The following SACS variants were observed in gnomAD, a reference collection of about 807,000 sequenced individuals.
The protein encoded by SACS is sacsin molecular chaperone, also known as sacsin.
In SACS, 197 loss-of-function variants were observed where a neutral mutation model predicts 348.0. The ratio of observed to expected loss-of-function variants is 0.57; its 90% CI spans 0.50 to 0.64. SACS has a LOEUF of 0.64. Among genes scored for constraint, SACS ranks in the 30% least tolerant of loss-of-function variants. The probability of loss-of-function intolerance (pLI) is 0.00; values close to 1 mark genes in which losing one functional copy is unlikely to be tolerated. For synonymous variants in SACS, 1,985 were observed against 1,910.6 expected (o/e 1.04, Z -1.02); for missense variants, 4,999 against 5,360.8 (o/e 0.93, Z 2.11).
At chr13:23,390,698 C>T (rs779557935) in intron 2 of SACS, among the ~76,000 whole-genome samples, 1 of 152,106 alleles carries the variant, frequency 6.6e-6, no homozygotes, top group Non-Finnish European at 1.5e-5. Context: ...TAAATAAAAT[C>T]CTAATGTGTT....
At position 23,331,591 on chromosome 13, in the gene SACS, G is replaced by A. The variant is rs1315062956; in HGVS notation, c.12285C>T (p.Asp4095=). Residue 4095 remains aspartate, a synonymous_variant, in exon 10 of 10, where the codon GAC becomes GAT. Transcript: ENST00000382292. ...TTGCCAATGCTAACAGGAAATTAAT[G>A]TCTTTACTGTCTGAATGTTGAATGT... ...LLYIQHSDSK[D]INFLLALAMT... 1.9e-6 allele frequency: 3 copies of A among 1,613,782 alleles called. No homozygotes were observed. The highest frequency in any genetic ancestry group is 1.1e-5 in the South Asian group (1 of 91,078).
chr13:23,340,549 T>A lies in SACS; in HGVS notation c.3327A>T (p.Lys1109Asn), dbSNP rs992762727. The change falls in exon 10 of 10, where the codon AAA becomes AAT. Residue 1109 changes from lysine to asparagine, a missense_variant. Lys to Asn is a moderately conservative substitution (Grantham distance 94, BLOSUM62 0). Transcript: ENST00000382292. ...KEKDVVQVAK[K>N]IEALQVGACP... ...AAGCACCGACCTGTAAGGCTTCAAT[T>A]TTTTTTGCCACTTGCACAACATCCT... The A allele has an allele frequency of 1.2e-6, 2 of 1,613,040 alleles. No individual in the cohort carries two copies. Among genetic ancestry groups the A allele is most frequent in the Admixed American group, 1.7e-5 (1 of 59,790 alleles).
chr13:23,417,018 A>T (rs147144159), intron 1 of SACS, among the ~76,000 whole-genome samples: 307 of 152,288 alleles, frequency 2.0e-3, no homozygotes, highest in African/African-American at 7.0e-3. Flanking sequence ...TTTCAAGATT[A>T]CTGATATAAG....
chr13:23,332,349 C>G lies in SACS; in HGVS notation c.11527G>C (p.Gly3843Arg). ...GTFHQLFKHL[G>R]TEDIISTKQY... Reference sequence around the variant, plus strand: ...TTAGTTGAAATAATATCTTCAGTACCTAAGTGTTTGAACAACTGGTGAAAT... The same window carrying G: ...TTAGTTGAAATAATATCTTCAGTACGTAAGTGTTTGAACAACTGGTGAAAT... Residue 3843 changes from glycine (G) to arginine (R), a missense_variant, in exon 10 of 10, where the codon GGT becomes CGT. By Grantham distance (125) the Gly-to-Arg change is moderately radical. Around this residue, in one of 6 missense-constraint regions of SACS, gnomAD observed 831 missense variants for 941.8 expected, o/e 0.88. Coordinates refer to ENST00000382292, the MANE Select transcript of SACS (RefSeq NM_014363.6). The G allele has an allele frequency of 6.2e-7, 1 of 1,613,946 alleles. No homozygotes were observed. The highest frequency in any genetic ancestry group is 1.6e-4 in the Middle Eastern group (1 of 6,062).
chr13:23,329,700 A>C lies in SACS; in HGVS notation c.*436T>G, dbSNP rs1024760825. The C allele has an allele frequency of 1.9e-6, 1 of 514,024 alleles. No homozygotes were observed. The highest frequency in any genetic ancestry group is 3.4e-6 in the Non-Finnish European group (1 of 295,562). The allele number at this position is 514,024 out of a possible 1,614,324, so 31.8% of individuals were successfully genotyped here. A position where few individuals can be genotyped will look rare whatever the true frequency, so the allele number is the denominator to read the frequency against. ...CGCATCCAAGAGGATCCACTTAAAA[A>C]AATGACAGACTACAAAGACTTAATT... On this transcript the variant is annotated 3_prime_UTR_variant, in exon 10 of 10. Coordinates refer to ENST00000382292, the MANE Select transcript of SACS (RefSeq NM_014363.6).
At chr13:23,385,953 C>A (rs1274098039) in intron 2 of SACS, among the ~76,000 whole-genome samples, 1 of 152,164 alleles carries the variant, frequency 6.6e-6, no homozygotes, top group East Asian at 1.9e-4. Context: ...AGGAATCTTT[C>A]TTTCTGAACA....
rs1227089290 is a variant in SACS, at chr13:23,391,584, GT to G, written c.21-16316del. Among the ~76,000 whole-genome samples, 91 of 152,206 alleles carry G rather than the reference GT, an allele frequency of 6.0e-4. 1 individual carries two copies. Among genetic ancestry groups the G allele is most frequent in the Admixed American group, 7.8e-4 (12 of 15,298 alleles). Reference sequence around the variant, plus strand: ...ACATCGGGACTCTGCGCCCTTCAAGGTTCAAGTAATTGCTCCTCCCCTAGTC... The same window carrying G: ...ACATCGGGACTCTGCGCCCTTCAAGGTCAAGTAATTGCTCCTCCCCTAGTC... On this transcript the variant is annotated intron_variant, in intron 2 of 9. Transcript: ENST00000382292.
chr13:23,369,130 T>A (rs1186638169), intron 4 of SACS, among the ~76,000 whole-genome samples: 1 of 152,216 alleles, frequency 6.6e-6, no homozygotes. Flanking sequence ...ATAAAATAAA[T>A]GATGTTATTT....
intron 3 of SACS, among the ~76,000 whole-genome samples, chr13:23,374,273 G>A (rs1871601549): frequency 1.3e-5 from 2 of 152,192 alleles, no homozygotes; most frequent in Non-Finnish European, 2.9e-5. Context: ...CAAGTACACA[G>A]AAGGTCAGGA....
chr13:23,331,806 C>T lies in SACS; in HGVS notation c.12070G>A (p.Asp4024Asn), dbSNP rs1883495789. 6.2e-7 allele frequency: 1 copy of T among 1,613,808 alleles called. No homozygotes were observed. The highest frequency in any genetic ancestry group is 1.3e-5 in the African/African-American group (1 of 74,910). ...TCTTCATTGGCCAGAAAAGCATTAT[C>T]ATTTTCATGCTTCATAATTCTAATC... is the stretch of plus-strand genomic sequence containing the variant. ...GLIRIMKHEN[D>N]NAFLANEEKA... Residue 4024 changes from aspartate to asparagine, a missense_variant, in exon 10 of 10, where the codon GAT becomes AAT. Asp to Asn is a conservative substitution (Grantham distance 23, BLOSUM62 1). Around this residue, in one of 6 missense-constraint regions of SACS, gnomAD observed 831 missense variants for 941.8 expected, o/e 0.88. Transcript: ENST00000382292.
intron 9 of SACS, among the ~76,000 whole-genome samples, chr13:23,345,318 A>G (rs1233781404): frequency 6.6e-6 from 1 of 152,190 alleles, no homozygotes; most frequent in Non-Finnish European, 1.5e-5. Flanking sequence ...TGAAACAACC[A>G]AACTAAAAAA....
At chr13:23,345,905 T>A (rs1262202658) in intron 9 of SACS, among the ~76,000 whole-genome samples, 1 of 152,034 alleles carries the variant, frequency 6.6e-6, no homozygotes, top group African/African-American at 2.4e-5. Flanking sequence ...ATTTTTTATT[T>A]ATTAAAAAAA....
At chr13:23,395,934 A>G (rs1555258917) in intron 2 of SACS, among the ~76,000 whole-genome samples, 1 of 152,168 alleles carries the variant, frequency 6.6e-6, no homozygotes, top group Non-Finnish European at 1.5e-5. Flanking sequence ...TTATGTGTGT[A>G]TGGTATTTTT....
chr13:23,388,487 GTATA>G (rs71100176), intron 2 of SACS, among the ~76,000 whole-genome samples: 22,543 of 139,938 alleles, frequency 0.16, 1,955 homozygotes, highest in African/African-American at 0.21. Context: ...TGGTGTGTGT[GTATA>G]TATATATATA....
At chr13:23,375,064 C>G (rs982007602) in intron 3 of SACS, 55 bp downstream of exon 3, 2 of 1,399,814 alleles carry the variant, frequency 1.4e-6, no homozygotes, top group African/African-American at 3.0e-5. Flanking sequence ...GCCCTCGACG[C>G]CCGCCGTTCC....
rs765187664 is a variant in SACS at position 23,333,813 on chromosome 13, T to C, written c.10063A>G (p.Ile3355Val). Residue 3355 changes from isoleucine (I) to valine (V), a missense_variant, in exon 10 of 10, where the codon ATA (isoleucine) becomes GTA (valine). Around this residue, in one of 6 missense-constraint regions of SACS, gnomAD observed 734 missense variants for 694.0 expected, o/e 1.06. Transcript: ENST00000382292. Reference protein sequence around the residue: ...VPLLSCHTANIESPTSILKAL... With the variant: ...VPLLSCHTANVESPTSILKAL... Reference sequence around the variant, plus strand: ...TTCAAGATGCTTGTGGGGCTCTCTATATTTGCTGTGTGACATGACAACAAA... The same window carrying C: ...TTCAAGATGCTTGTGGGGCTCTCTACATTTGCTGTGTGACATGACAACAAA... 21 of 1,613,772 alleles carry C rather than the reference T, an allele frequency of 1.3e-5. No homozygotes were observed. The South Asian group carries it at 1.8e-4, about 14-fold the overall frequency.
In SACS at chr13:23,335,204, G is replaced by A. The variant is rs1220738769; in HGVS notation, c.8672C>T (p.Ser2891Leu). 1.9e-6 allele frequency: 3 copies of A among 1,613,804 alleles called. No individual in the cohort carries two copies. The highest frequency in any genetic ancestry group is 2.5e-6 in the Non-Finnish European group (3 of 1,179,910). The change falls in exon 10 of 10, where the codon TCA becomes TTA. Residue 2891 changes from serine (S) to leucine (L), a missense_variant. Coordinates refer to ENST00000382292, the MANE Select transcript of SACS (RefSeq NM_014363.6). The surrounding 1 kb of genome is among the most constrained non-coding windows in gnomAD (Gnocchi z 4.7). ...ATCACGCCACAGGTTCCTTCTGGCT[G>A]AATCCAGTGCAAAGTGGCCATTCAC... ...FHVNGHFALDSARRNLWRDDN... is the reference protein window; with the variant it reads ...FHVNGHFALDLARRNLWRDDN...
chr13:23,397,008 TAATA>T (rs59491018), intron 2 of SACS, among the ~76,000 whole-genome samples: 44,504 of 151,808 alleles, frequency 0.29, 6,760 homozygotes, highest in East Asian at 0.44. Flanking sequence ...TTAGGCTTGT[TAATA>T]AATATGAAAA....
intron 5 of SACS, among the ~76,000 whole-genome samples, chr13:23,366,208 A>G (rs993425694): frequency 1.3e-5 from 2 of 152,254 alleles, no homozygotes; most frequent in Non-Finnish European, 2.9e-5. Flanking sequence ...AGTGATGCCT[A>G]CATCAGAGTA....
Sources: gnomAD v4.1 joint callset for allele counts (sites outside exome capture counted in the v4.1 genomes callset) on GRCh38, gnomAD v4.1.1 for gene constraint, gnomAD v4.1.1 regional missense constraint, Gnocchi (gnomAD v3.1) non-coding constraint, MANE v1.5 for transcripts, NCBI Gene and HGNC (gene_info 2026-07-23, HGNC 2026-07-21) for gene names.